ERICH3: variants seen among roughly 807,000 people sequenced by gnomAD.
ERICH3 encodes glutamate rich 3.
In ERICH3, 126 loss-of-function variants were observed where a neutral mutation model predicts 131.1. The ratio of observed to expected loss-of-function variants is 0.96; its 90% CI spans 0.83 to 1.11. ERICH3 has a LOEUF of 1.11. ERICH3 is among the 50% of genes most tolerant of loss of function. The probability of loss-of-function intolerance (pLI) is 0.00; values close to 1 mark genes in which losing one functional copy is unlikely to be tolerated. For synonymous variants in ERICH3, 695 were observed against 644.6 expected (o/e 1.08, Z -1.18); for missense variants, 2,050 against 1,810.7 (o/e 1.13, Z -2.40).
At chr1:74,641,486 T>G in intron 4 of ERICH3, 27 bp from the exon 5 acceptor site, 1 of 1,604,658 alleles carries the variant, frequency 6.2e-7, no homozygotes. Context: ...ATTTAGCAAA[T>G]AGATGCATAG....
At chr1:74,587,983 A>T (rs1006932494) in intron 12 of ERICH3, among the ~76,000 whole-genome samples, 4 of 152,146 alleles carry the variant, frequency 2.6e-5, no homozygotes, top group African/African-American at 9.7e-5. Context: ...AATTCTTAGG[A>T]TTTTGTGGGC....
rs539459613 is a variant in ERICH3, at chr1:74,579,336, G to A, written c.2177-2400C>T. The A allele has an allele frequency of 3.9e-4, 349 of 888,348 alleles. 1 individual carries two copies. Among genetic ancestry groups the A allele is most frequent in the Non-Finnish European group, 4.3e-4 (319 of 741,800 alleles). The allele number at this position is 888,348 out of a possible 1,614,324, so 55.0% of individuals were successfully genotyped here. A position where few individuals can be genotyped will look rare whatever the true frequency, so the allele number is the denominator to read the frequency against. On this transcript the variant is annotated intron_variant, in intron 12 of 14. Transcript: ENST00000326665. Reference sequence around the variant, plus strand: ...AATAATAAACAATAAGCAATTAGCAGGTACTGAACCAAAAGACTACTATAA... The same window carrying A: ...AATAATAAACAATAAGCAATTAGCAAGTACTGAACCAAAAGACTACTATAA...
chr1:74,601,394 A>T (rs1285590107), intron 10 of ERICH3, among the ~76,000 whole-genome samples: 2 of 151,910 alleles, frequency 1.3e-5, no homozygotes, highest in African/African-American at 4.8e-5. Flanking sequence ...AGACTCTCCA[A>T]TTTTTATTGA....
intron 7 of ERICH3, chr1:74,625,082 G>C (rs1649368167): frequency 6.6e-6 from 1 of 151,996 alleles, no homozygotes; most frequent in African/African-American, 2.4e-5. Flanking sequence ...TGCCCAGATT[G>C]GTAAACATTA....
rs1557683289 is a variant in ERICH3 at position 74,612,758 on chromosome 1, G to T, written c.1052C>A (p.Thr351Asn). Residue 351 changes from threonine (T) to asparagine (N), a missense_variant, in exon 9 of 15, where the codon ACC (threonine) becomes AAC (asparagine). By Grantham distance (65) the Thr-to-Asn change is moderately conservative. Transcript: ENST00000326665. ...KRHHGFPFSLTFFLNGMQVNR... is the reference protein window; with the variant it reads ...KRHHGFPFSLNFFLNGMQVNR... ...CACCTGCATCCCATTCAGGAAAAAG[G>T]TGAGACTGAAGGGGAAACCATGATG... 1 of 1,599,514 alleles carries T rather than the reference G, an allele frequency of 6.3e-7. No homozygotes were observed. The highest frequency in any genetic ancestry group is 2.2e-5 in the East Asian group (1 of 44,664).
intron 7 of ERICH3, among the ~76,000 whole-genome samples, chr1:74,626,969 CT>C (rs1181168697): frequency 2.6e-5 from 4 of 151,978 alleles, no homozygotes; most frequent in African/African-American, 7.2e-5. Context: ...TCTTTCTTTC[CT>C]TTTTTTTAAG....
intron 7 of ERICH3, among the ~76,000 whole-genome samples, chr1:74,631,423 C>A (rs1157197982): frequency 1.3e-5 from 2 of 151,990 alleles, no homozygotes; most frequent in East Asian, 3.9e-4. Flanking sequence ...TGTGACTGAA[C>A]AGGTGCATTT....
Position 74,594,273 on chromosome 1 carries a change from C to CGTGTGTGTGTGT in ERICH3, c.1727-4205_1727-4194dup, listed in dbSNP as rs10655150. Among the ~76,000 whole-genome samples the CGTGTGTGTGTGT allele has an allele frequency of 5.0e-3, 722 of 144,872 alleles. 11 individuals are homozygous for CGTGTGTGTGTGT. Among genetic ancestry groups the CGTGTGTGTGTGT allele is most frequent in the African/African-American group, 0.017 (688 of 39,654 alleles). On this transcript the variant is annotated intron_variant, in intron 11 of 14. Coordinates refer to ENST00000326665, the MANE Select transcript of ERICH3 (RefSeq NM_001002912.5). ...TGTGGGGACACTCACAAAAATGGGG[C>CGTGTGTGTGTGT]GTGTGTGTGTGTGTGTGTGTGTGTG...
rs200770042 is a variant in ERICH3, at chr1:74,572,407, T to G, written c.3303A>C (p.Glu1101Asp). 3.1e-6 allele frequency: 5 copies of G among 1,613,882 alleles called. No homozygotes were observed. The Admixed American group carries it at 6.7e-5, about 22-fold the overall frequency. ...TTACTTCTGTCTCTGTTTCCCCTTC[T>G]TCCGCTTTAAGTTTTTGCTCTTCTT... The part of the protein sequence containing the change: ...AFKEEQKLKA[E>D]EGETETEVRA... The change falls in exon 14 of 15, where the codon GAA (glutamate) becomes GAC (aspartate). Residue 1101 changes from glutamate (E) to aspartate (D), a missense_variant. Physicochemically the swap from Glu to Asp is conservative, Grantham distance 45. Coordinates refer to ENST00000326665, the MANE Select transcript of ERICH3 (RefSeq NM_001002912.5).
chr1:74,636,425 G>T lies in ERICH3; in HGVS notation c.458C>A (p.Pro153Gln), dbSNP rs1168284622. Residue 153 changes from proline to glutamine, a missense_variant, in exon 6 of 15, where the codon CCA becomes CAA. Physicochemically the swap from Pro to Gln is moderately conservative, Grantham distance 76. Coordinates refer to ENST00000326665, the MANE Select transcript of ERICH3 (RefSeq NM_001002912.5). ...SSPLALTAPR[P>Q]YTAPGNMQPP... is the part of the protein sequence containing the mutation. ...CTGCATATTTCCTGGAGCAGTATAT[G>T]GTCGAGGGGCTGTCTAGACAATTAG... is the stretch of plus-strand genomic sequence containing the variant. The T allele has an allele frequency of 3.7e-6, 6 of 1,610,258 alleles. No homozygotes were observed. The highest frequency in any genetic ancestry group is 4.2e-6 in the Non-Finnish European group (5 of 1,177,772).
chr1:74,622,227 A>T (rs1649247965), intron 7 of ERICH3: 1 of 152,222 alleles, frequency 6.6e-6, no homozygotes, highest in Non-Finnish European at 1.5e-5. Context: ...GCTAGCAACC[A>T]TCTGAAAGTA....
intron 6 of ERICH3, chr1:74,634,889 C>T: frequency 2.2e-6 from 1 of 451,510 alleles, no homozygotes; most frequent in Non-Finnish European, 3.9e-6. Flanking sequence ...CATTCTATTA[C>T]ACTATCTCCC....
chr1:74,580,070 A>G (rs1363875395), intron 12 of ERICH3, among the ~76,000 whole-genome samples: 1 of 152,106 alleles, frequency 6.6e-6, no homozygotes, highest in Non-Finnish European at 1.5e-5. Context: ...CAGTATTTAG[A>G]TAGATTATCC....
In ERICH3 at chr1:74,597,373, C is replaced by T. The variant is rs183635245; in HGVS notation, c.1726+2322G>A. ...TTCAGAATGACACTGTTTCAAAACA[C>T]CAAGCATGCAAAAGAGCCCTTTAAA... On this transcript the variant is annotated intron_variant, in intron 11 of 14. Coordinates refer to ENST00000326665, the MANE Select transcript of ERICH3 (RefSeq NM_001002912.5). Among the ~76,000 whole-genome samples, 11 of 152,018 alleles carry T rather than the reference C, an allele frequency of 7.2e-5. No individual in the cohort carries two copies. In the East Asian group the frequency reaches 1.9e-3, roughly 27 times the overall value.
intron 12 of ERICH3, chr1:74,577,193 C>T (rs1647076230): frequency 2.8e-6 from 1 of 359,840 alleles, no homozygotes; most frequent in African/African-American, 2.1e-5. Flanking sequence ...AGCTGTGAAG[C>T]TCTCCTTAGG....
At chr1:74,589,582 G>A (rs1364449416) in intron 12 of ERICH3, 49 bp downstream of exon 12, 1 of 1,556,784 alleles carries the variant, frequency 6.4e-7, no homozygotes, top group East Asian at 2.2e-5. Flanking sequence ...ACCAAAATCA[G>A]CTTCCATGCA....
chr1:74,606,576 A>C (rs780916432), intron 10 of ERICH3, 25 bp downstream of exon 10: 1 of 1,568,546 alleles, frequency 6.4e-7, no homozygotes. Flanking sequence ...CAGCTACAAC[A>C]AAAGAAACTT....
intron 8 of ERICH3, among the ~76,000 whole-genome samples, chr1:74,617,030 T>G (rs1648995881): frequency 6.6e-6 from 1 of 152,152 alleles, no homozygotes; most frequent in Non-Finnish European, 1.5e-5. Context: ...ACACAGAGAC[T>G]ACCCCAAGAG....
At position 74,589,915 on chromosome 1, in the gene ERICH3, T is replaced by C; in HGVS notation, c.1892A>G (p.Lys631Arg). ...QELSENDKPR[K>R]SHLPIEESLE... ...GGATTCCTCAATTGGAAGGTGAGAC[T>C]TTCTTGGCTTATCATTTTCACTCAG... Residue 631 changes from lysine to arginine, a missense_variant, in exon 12 of 15, where the codon AAG (lysine) becomes AGG (arginine). Lys to Arg is a conservative substitution (Grantham distance 26). Coordinates refer to ENST00000326665, the MANE Select transcript of ERICH3 (RefSeq NM_001002912.5). 6.2e-7 allele frequency: 1 copy of C among 1,614,072 alleles called. No individual in the cohort carries two copies. Among genetic ancestry groups the C allele is most frequent in the East Asian group, 2.2e-5 (1 of 44,868 alleles).
Sources: allele counts gnomAD v4.1 joint callset (sites outside exome capture counted in the v4.1 genomes callset), GRCh38; gene constraint gnomAD v4.1.1; transcripts MANE v1.5; gene names NCBI Gene and HGNC (gene_info 2026-07-23, HGNC 2026-07-21).